LUZP2: variants seen among roughly 807,000 people sequenced by gnomAD.
The protein encoded by LUZP2 is leucine zipper protein 2.
In LUZP2, 52 loss-of-function variants were observed where a neutral mutation model predicts 51.6. The observed-to-expected ratio is 1.01, with a 90% CI of 0.81 to 1.27. The LOEUF (loss-of-function observed/expected upper bound fraction) is 1.27. Among genes scored for constraint, LUZP2 ranks in the 50% most tolerant of loss-of-function variants. The pLI, the probability that LUZP2 is intolerant of heterozygous loss-of-function variation, is 0.00. For synonymous variants in LUZP2, 154 were observed against 137.3 expected, an observed-to-expected ratio of 1.12 and a Z score of -0.85; for missense variants, 436 against 395.4, an observed-to-expected ratio of 1.10 and a Z score of -0.87.
chr11:24,935,293 C>G (rs1278719196), intron 7 of LUZP2, among the ~76,000 whole-genome samples: 2 of 152,090 alleles, frequency 1.3e-5, no homozygotes, highest in Admixed American at 1.3e-4. Flanking sequence ...AAATATTGAA[C>G]AGTGATGCAA....
At chr11:24,537,439 C>T (rs1047148388) in intron 1 of LUZP2, among the ~76,000 whole-genome samples, 5 of 151,938 alleles carry the variant, frequency 3.3e-5, no homozygotes, top group South Asian at 2.1e-4. Flanking sequence ...TCTCGAATCA[C>T]GTAAGAATGT....
intron 7 of LUZP2, among the ~76,000 whole-genome samples, chr11:24,961,367 C>A (rs146807132): frequency 0.018 from 2,696 of 152,090 alleles, 46 homozygotes; most frequent in South Asian, 0.11. Flanking sequence ...TCCCATTATT[C>A]ATGTGTGGGA....
At position 24,892,353 on chromosome 11, in the gene LUZP2, T is replaced by A. The variant is rs111255250; in HGVS notation, c.397-13638T>A. 93 of 985,338 alleles carry A rather than the reference T, an allele frequency of 9.4e-5. 1 individual carries two copies. In the African/African-American group the frequency reaches 1.4e-3, roughly 15 times the overall value. 61.0% of individuals were successfully genotyped at this position (985,338 alleles called of 1,614,324 possible). ...GAAAGACATTCAAATTAGCCACCAC[T>A]GGAGTAGATGACCTAAAAGTTCTTA... On this transcript the variant is annotated intron_variant, in intron 5 of 11. Coordinates refer to ENST00000336930, the MANE Select transcript of LUZP2 (RefSeq NM_001009909.4).
chr11:24,947,699 C>T (rs1565145473), intron 7 of LUZP2, among the ~76,000 whole-genome samples: 1 of 151,724 alleles, frequency 6.6e-6, no homozygotes, highest in Non-Finnish European at 1.5e-5. Flanking sequence ...TTTTCTTTGG[C>T]CTTGATTTTT....
At chr11:24,528,854 G>C (rs1850902128) in intron 1 of LUZP2, among the ~76,000 whole-genome samples, 1 of 151,144 alleles carries the variant, frequency 6.6e-6, no homozygotes, top group African/African-American at 2.4e-5. Flanking sequence ...ATTGCTATCA[G>C]TATAAAATCC....
intron 5 of LUZP2, chr11:24,892,617 G>A (rs1177412944): frequency 8.9e-6 from 2 of 224,058 alleles, no homozygotes; most frequent in Non-Finnish European, 1.5e-5. Flanking sequence ...AGCTGAATTA[G>A]GTAGTCAACT....
chr11:25,077,421 T>A lies in LUZP2; in HGVS notation c.936+15T>A. 1 of 1,524,662 alleles carries A rather than the reference T, an allele frequency of 6.6e-7. No homozygotes were observed. The highest frequency in any genetic ancestry group is 9.0e-7 in the Non-Finnish European group (1 of 1,110,768). The allele number at this position is 1,524,662 out of a possible 1,614,324, so 94.4% of individuals were successfully genotyped here. ...CTATCCCACAGGTATGTGTTTGTTT[T>A]ATTTCGTTTGTGTCAAAAAGCATTT... On this transcript the variant is annotated intron_variant, in intron 11 of 11. Coordinates refer to ENST00000336930, the MANE Select transcript of LUZP2 (RefSeq NM_001009909.4).
chr11:24,761,758 A>T (rs1407810337), intron 4 of LUZP2, among the ~76,000 whole-genome samples: 1 of 152,188 alleles, frequency 6.6e-6, no homozygotes, highest in Non-Finnish European at 1.5e-5. Flanking sequence ...AGCTACAATA[A>T]ATTAACTGGT....
intron 4 of LUZP2, among the ~76,000 whole-genome samples, chr11:24,755,503 A>T (rs1191462887): frequency 6.6e-6 from 1 of 152,188 alleles, no homozygotes; most frequent in Non-Finnish European, 1.5e-5. Flanking sequence ...GCTATTATAG[A>T]TAAAAATAAC....
At chr11:24,659,347 C>T (rs1043009200) in intron 1 of LUZP2, among the ~76,000 whole-genome samples, 1 of 152,126 alleles carries the variant, frequency 6.6e-6, no homozygotes, top group Admixed American at 6.6e-5. Context: ...CGCATATTCT[C>T]ACTCATAGGT....
chr11:24,933,160 A>T (rs115811944), intron 7 of LUZP2, among the ~76,000 whole-genome samples: 3 of 152,170 alleles, frequency 2.0e-5, no homozygotes, highest in Admixed American at 2.0e-4. Context: ...TTCGGTGCTC[A>T]GAGTTTTTTG....
rs556848123 is a variant in LUZP2 at position 25,055,155 on chromosome 11, T to C, written c.858+5025T>C. On this transcript the variant is annotated intron_variant, in intron 10 of 11. Coordinates refer to ENST00000336930, the MANE Select transcript of LUZP2 (RefSeq NM_001009909.4). ...CCTCCTGAGTAGCTGGGACTACAGG[T>C]GCCTGCCACCATGACCAGCTAATTT... Among the ~76,000 whole-genome samples, 1,463 of 148,826 alleles carry C rather than the reference T, an allele frequency of 9.8e-3. 17 individuals are homozygous for C. Among genetic ancestry groups the C allele is most frequent in the Non-Finnish European group, 0.018 (1,195 of 65,906 alleles).
chr11:24,500,235 T>A (rs1309604473), intron 1 of LUZP2, among the ~76,000 whole-genome samples: 5 of 151,918 alleles, frequency 3.3e-5, no homozygotes, highest in African/African-American at 1.2e-4. Context: ...CCCCATAGAG[T>A]TTTAAAAAAC....
chr11:24,521,896 A>G lies in LUZP2; in HGVS notation c.62+24591A>G, dbSNP rs116281581. Among the ~76,000 whole-genome samples the G allele has an allele frequency of 4.1e-4, 62 of 152,236 alleles. No individual in the cohort carries two copies. In the East Asian group the frequency reaches 0.011, roughly 27 times the overall value. Reference sequence around the variant, plus strand: ...ATGTTAGAAACGTTTCATAGCGAGCATGCATTTTTTTCTTTGACCACTGAT... The same window carrying G: ...ATGTTAGAAACGTTTCATAGCGAGCGTGCATTTTTTTCTTTGACCACTGAT... On this transcript the variant is annotated intron_variant, in intron 1 of 11. Coordinates refer to ENST00000336930, the MANE Select transcript of LUZP2 (RefSeq NM_001009909.4).
chr11:24,657,773 A>G (rs1446138047), intron 1 of LUZP2, among the ~76,000 whole-genome samples: 1 of 152,194 alleles, frequency 6.6e-6, no homozygotes, highest in Non-Finnish European at 1.5e-5. Context: ...AAGCATTCTT[A>G]TACACCATTA....
intron 1 of LUZP2, among the ~76,000 whole-genome samples, chr11:24,603,911 T>C (rs1269592274): frequency 6.6e-6 from 1 of 151,788 alleles, no homozygotes; most frequent in East Asian, 1.9e-4. Flanking sequence ...ATTATTGTGA[T>C]ATTATCCACA....
chr11:24,623,708 G>C (rs1854581978), intron 1 of LUZP2, among the ~76,000 whole-genome samples: 1 of 152,066 alleles, frequency 6.6e-6, no homozygotes, highest in South Asian at 2.1e-4. Flanking sequence ...TTAGCCAGGA[G>C]TGGTGGCCGG....
intron 4 of LUZP2, among the ~76,000 whole-genome samples, chr11:24,739,076 T>C (rs141856308): frequency 2.0e-3 from 306 of 152,112 alleles, no homozygotes; most frequent in African/African-American, 7.0e-3. Context: ...ACTGAAAACA[T>C]AGCTTATTTC....
Position 24,809,911 on chromosome 11 carries a change from A to C in LUZP2, c.396+46603A>C, listed in dbSNP as rs369259427. Reference sequence around the variant, plus strand: ...TGGCACATTACCTAGAATTTTCTTTATATAGTTATATAATAGGGAAATATA... The same window carrying C: ...TGGCACATTACCTAGAATTTTCTTTCTATAGTTATATAATAGGGAAATATA... On this transcript the variant is annotated intron_variant, in intron 5 of 11. Transcript: ENST00000336930. 2.0e-5 allele frequency among the ~76,000 whole-genome samples: 3 copies of C among 152,260 alleles called. No individual in the cohort carries two copies. The East Asian group carries it at 5.8e-4, about 29-fold the overall frequency.
Sources: allele counts gnomAD v4.1 joint callset (sites outside exome capture counted in the v4.1 genomes callset), GRCh38; gene constraint gnomAD v4.1.1; transcripts MANE v1.5; gene names NCBI Gene and HGNC (gene_info 2026-07-23, HGNC 2026-07-21).